ANKRD62: variants seen among roughly 807,000 people sequenced by gnomAD.
ANKRD62 encodes the protein ankyrin repeat domain 62.
Under a neutral mutation model 98.8 loss-of-function variants are expected in ANKRD62, and 61 were observed. The observed-to-expected ratio is 0.62, with a 90% CI of 0.50 to 0.76. The LOEUF is 0.76. Among genes scored for constraint, ANKRD62 ranks in the 30% least tolerant of loss-of-function variants. The pLI, the probability that ANKRD62 is intolerant of heterozygous loss-of-function variation, is 0.00. For synonymous variants in ANKRD62, 341 were observed against 367.9 expected, an observed-to-expected ratio of 0.93 and a Z score of 0.84; for missense variants, 933 against 1,082.9, an observed-to-expected ratio of 0.86 and a Z score of 1.94.
At chr18:12,134,128 T>C (rs576192829), downstream of ANKRD62, among the ~76,000 whole-genome samples, 4 of 152,204 alleles carry the variant, frequency 2.6e-5, no homozygotes, top group Non-Finnish European at 5.9e-5. Context: ...GGAGAAAGCA[T>C]GTATGTCACT....
chr18:12,102,690 A>G, intron 6 of ANKRD62: 1 of 1,033,416 alleles, frequency 9.7e-7, no homozygotes, highest in Non-Finnish European at 1.2e-6. Flanking sequence ...GACATTTCAG[A>G]TATAATGAAC....
chr18:12,137,012 C>A, the ANKRD62 span, among the ~76,000 whole-genome samples: 1 of 152,072 alleles, frequency 6.6e-6, no homozygotes, highest in East Asian at 1.9e-4. Context: ...AATTTGACTC[C>A]CTCTTTCCTA....
the ANKRD62 span, among the ~76,000 whole-genome samples, chr18:12,160,558 C>A: frequency 1.3e-5 from 2 of 152,150 alleles, no homozygotes; most frequent in Admixed American, 6.5e-5. Flanking sequence ...AGGTTACTGA[C>A]TGCCCTTTAG....
the ANKRD62 span, among the ~76,000 whole-genome samples, chr18:12,171,911 T>G: frequency 6.6e-6 from 1 of 152,234 alleles, no homozygotes; most frequent in Admixed American, 6.5e-5. Context: ...TACCCTTTCT[T>G]CCACTTGATC....
chr18:12,164,154 C>CT, the ANKRD62 span, among the ~76,000 whole-genome samples: 7 of 151,808 alleles, frequency 4.6e-5, no homozygotes, highest in Non-Finnish European at 8.8e-5. Context: ...TACTGGGAGA[C>CT]TTTTTATTAT....
At chr18:12,158,805 A>G in the ANKRD62 span, among the ~76,000 whole-genome samples, 1 of 151,640 alleles carries the variant, frequency 6.6e-6, no homozygotes, top group East Asian at 1.9e-4. Flanking sequence ...AAGTGCTGGG[A>G]TTACAGGCGT....
At chr18:12,159,437 C>T in the ANKRD62 span, among the ~76,000 whole-genome samples, 8 of 152,138 alleles carry the variant, frequency 5.3e-5, no homozygotes, top group Non-Finnish European at 7.4e-5. Context: ...TCCCTCTCCC[C>T]AAGGCTAGCT....
At chr18:12,167,282 C>G in the ANKRD62 span, among the ~76,000 whole-genome samples, 1 of 151,858 alleles carries the variant, frequency 6.6e-6, no homozygotes. Flanking sequence ...GTATCCCTCC[C>G]CCATTCCCCC....
chr18:12,171,272 G>T, the ANKRD62 span, among the ~76,000 whole-genome samples: 16 of 152,202 alleles, frequency 1.1e-4, no homozygotes, highest in Non-Finnish European at 1.5e-4. Context: ...GCAGTGGCTG[G>T]TACCGGTTGT....
chr18:12,109,950 C>CAAAAAAAAA (rs10588166), intron 8 of ANKRD62, among the ~76,000 whole-genome samples: 1 of 124,826 alleles, frequency 8.0e-6, no homozygotes, highest in Non-Finnish European at 1.6e-5. Flanking sequence ...TCACTGTTAC[C>CAAAAAAAAA]AAAAAAAAAA....
intron 10 of ANKRD62, among the ~76,000 whole-genome samples, chr18:12,120,379 A>T (rs550137281): frequency 5.3e-5 from 8 of 152,182 alleles, no homozygotes; most frequent in Non-Finnish European, 1.2e-4. Context: ...AACTTTTATC[A>T]TTGTGACGTG....
chr18:12,126,470 T>C, intron 13 of ANKRD62, 87 bp downstream of exon 13: 1 of 1,098,536 alleles, frequency 9.1e-7, no homozygotes, highest in African/African-American at 1.6e-5. Flanking sequence ...CTGAATCTAG[T>C]TGAATATCAA....
intron 6 of ANKRD62, among the ~76,000 whole-genome samples, chr18:12,101,394 C>CT (rs1255360973): frequency 1.3e-5 from 2 of 152,140 alleles, no homozygotes; most frequent in African/African-American, 4.8e-5. Flanking sequence ...GAACCTTGCC[C>CT]TTAAATGGAA....
chr18:12,177,700 T>C, the ANKRD62 span, among the ~76,000 whole-genome samples: 281 of 151,834 alleles, frequency 1.9e-3, 4 homozygotes, highest in African/African-American at 6.4e-3. Context: ...CCAAAATGTA[T>C]TGAGTTCATC....
At position 12,111,969 on chromosome 18, in the gene ANKRD62, G is replaced by A. The variant is rs573594525; in HGVS notation, c.1065-3119G>A. Among the ~76,000 whole-genome samples, 19 of 152,012 alleles carry A rather than the reference G, an allele frequency of 1.2e-4. No homozygotes were observed. In the East Asian group the frequency reaches 3.7e-3, roughly 29 times the overall value. ...TACTAAAAATACAAAAATTAGCCGG[G>A]CGTGGTGGCAGGCACCTGTAATCTC... On this transcript the variant is annotated intron_variant, in intron 8 of 13. Coordinates refer to ENST00000587848, the MANE Select transcript of ANKRD62 (RefSeq NM_001277333.2).
chr18:12,103,183 G>A lies in ANKRD62; in HGVS notation c.846G>A (p.Glu282=). 7.3e-7 allele frequency: 1 copy of A among 1,378,366 alleles called. No homozygotes were observed. The highest frequency in any genetic ancestry group is 9.5e-7 in the Non-Finnish European group (1 of 1,058,090). The allele number at this position is 1,378,366 out of a possible 1,614,324, so 85.4% of individuals were successfully genotyped here. The change falls in exon 7 of 14, where the codon GAG becomes GAA. Residue 282 remains glutamate (E), a synonymous_variant. Coordinates refer to ENST00000587848, the MANE Select transcript of ANKRD62 (RefSeq NM_001277333.2). ...NSEQDLEMTS[E]GEQERLEGCE... ...AACAAGACTTAGAAATGACATCAGA[G>A]GGAGAGCAAGAAAGGCTTGAAGGAT...
At chr18:12,175,684 T>A in the ANKRD62 span, among the ~76,000 whole-genome samples, 64 of 152,026 alleles carry the variant, frequency 4.2e-4, no homozygotes, top group Middle Eastern at 3.4e-3. Flanking sequence ...GACTTTCAGA[T>A]TGTAAAGTCA....
the ANKRD62 span, among the ~76,000 whole-genome samples, chr18:12,163,798 T>A: frequency 6.6e-6 from 1 of 152,112 alleles, no homozygotes; most frequent in Non-Finnish European, 1.5e-5. Context: ...TTCATCCTGT[T>A]GATATGATGT....
chr18:12,154,638 A>G, the ANKRD62 span, among the ~76,000 whole-genome samples: 1 of 152,214 alleles, frequency 6.6e-6, no homozygotes, highest in Non-Finnish European at 1.5e-5. Flanking sequence ...AGAGAAATAT[A>G]AAGCATTCTA....
Sources: allele counts gnomAD v4.1 joint callset (sites outside exome capture counted in the v4.1 genomes callset), GRCh38; gene constraint gnomAD v4.1.1; transcripts MANE v1.5; gene names NCBI Gene and HGNC (gene_info 2026-07-23, HGNC 2026-07-21).